Variants in ARHGAP5 observed in about 807,000 individuals in gnomAD.
The protein encoded by ARHGAP5 is Rho GTPase activating protein 5.
In ARHGAP5, 23 loss-of-function variants were observed where a neutral mutation model predicts 116.6. The observed-to-expected ratio is 0.20, with a 90% confidence interval of 0.14 to 0.28. ARHGAP5 has a LOEUF of 0.28. Ranked by LOEUF, ARHGAP5 falls within the 10% of genes least tolerant of loss-of-function variation. The pLI is 1.00. For missense variants in ARHGAP5, 1,405 were observed against 1,774.8 expected, an observed-to-expected ratio of 0.79 and a Z score of 3.74; for synonymous variants, 574 against 602.0, an observed-to-expected ratio of 0.95 and a Z score of 0.68.
intron 3 of ARHGAP5, among the ~76,000 whole-genome samples, chr14:32,133,995 C>T (rs1289896494): frequency 6.6e-6 from 1 of 152,070 alleles, no homozygotes; most frequent in African/African-American, 2.4e-5. Flanking sequence ...ATCCCGATAC[C>T]AAAGCCTGGC....
chr14:32,153,375 T>C (rs111620816), intron 6 of ARHGAP5, among the ~76,000 whole-genome samples: 3,894 of 101,684 alleles, frequency 0.038, 238 homozygotes, highest in African/African-American at 0.13. Flanking sequence ...CCATTGCACT[T>C]CAGTCTGGCC....
In ARHGAP5 at chr14:32,090,593, T is replaced by A; in HGVS notation, c.-77T>A. ...ACAGTTCTGAAATTTGGGATCTGTATTTTGAGATGATTTTATTTTCAGAAT... is the reference window on the plus strand; with the variant it reads ...ACAGTTCTGAAATTTGGGATCTGTAATTTGAGATGATTTTATTTTCAGAAT... On this transcript the variant is annotated 5_prime_UTR_variant, in exon 2 of 7. An upstream open reading frame in the 5' UTR gains an earlier in-frame stop. Transcript: ENST00000345122. The A allele has an allele frequency of 7.5e-7, 1 of 1,331,306 alleles. No individual in the cohort carries two copies. The highest frequency in any genetic ancestry group is 1.0e-6 in the Non-Finnish European group (1 of 972,000). The allele number at this position is 1,331,306 out of a possible 1,614,324, so 82.5% of individuals were successfully genotyped here.
intron 2 of ARHGAP5, among the ~76,000 whole-genome samples, chr14:32,106,443 C>T (rs1397602125): frequency 6.6e-6 from 1 of 152,200 alleles, no homozygotes; most frequent in Non-Finnish European, 1.5e-5. Flanking sequence ...TAAATCCCTA[C>T]TGGCAATGTA....
intron 3 of ARHGAP5, among the ~76,000 whole-genome samples, chr14:32,145,617 G>A (rs186505604): frequency 4.6e-5 from 7 of 152,170 alleles, no homozygotes; most frequent in East Asian, 3.9e-4. Flanking sequence ...CTGTCATGTC[G>A]TTCTTCAAGT....
At chr14:32,114,229 A>T (rs1457841849) in intron 2 of ARHGAP5, among the ~76,000 whole-genome samples, 1 of 148,308 alleles carries the variant, frequency 6.7e-6, no homozygotes, top group Non-Finnish European at 1.5e-5. Context: ...CTCCGTCTCA[A>T]AAAAAAAAAA....
intron 3 of ARHGAP5, among the ~76,000 whole-genome samples, chr14:32,133,632 G>A (rs1326125038): frequency 6.6e-6 from 1 of 152,136 alleles, no homozygotes; most frequent in Non-Finnish European, 1.5e-5. Context: ...GAATAGGAGT[G>A]GTGAGAGAGG....
chr14:32,152,671 A>T (rs569894277), intron 6 of ARHGAP5, 143 bp downstream of exon 6: 2 of 485,142 alleles, frequency 4.1e-6, no homozygotes, highest in African/African-American at 2.0e-5. Flanking sequence ...TCTAATTTAT[A>T]TCTAAAAAGA....
At position 32,154,712 on chromosome 14, in the gene ARHGAP5, C is replaced by G. The variant is rs1404113729; in HGVS notation, c.4273C>G (p.Arg1425Gly). The change falls in exon 7 of 7, where the codon CGA becomes GGA. Residue 1425 changes from arginine to glycine, a missense_variant. Physicochemically the swap from Arg to Gly is moderately radical, Grantham distance 125. Coordinates refer to ENST00000345122, the MANE Select transcript of ARHGAP5 (RefSeq NM_001030055.2). ...CTTGATGAGACCTGATTTTGAAAATCGAGAGTTTCTGTCTACTACTAAGAT... is the reference window on the plus strand; with the variant it reads ...CTTGATGAGACCTGATTTTGAAAATGGAGAGTTTCTGTCTACTACTAAGAT... ...PTLMRPDFEN[R>G]EFLSTTKIHQ... 1.2e-5 allele frequency: 20 copies of G among 1,613,894 alleles called. No homozygotes were observed. The highest frequency in any genetic ancestry group is 1.7e-5 in the Non-Finnish European group (20 of 1,179,920).
chr14:32,135,836 C>G (rs1880762310), intron 3 of ARHGAP5, among the ~76,000 whole-genome samples: 1 of 152,084 alleles, frequency 6.6e-6, no homozygotes, highest in African/African-American at 2.4e-5. Flanking sequence ...GAGCATAGTG[C>G]CTAGTTAATT....
At position 32,091,516 on chromosome 14, in the gene ARHGAP5, G is replaced by A. The variant is rs1878245600; in HGVS notation, c.847G>A (p.Val283Met). The A allele has an allele frequency of 1.9e-6, 3 of 1,613,184 alleles. No individual in the cohort carries two copies. The highest frequency in any genetic ancestry group is 2.5e-6 in the Non-Finnish European group (3 of 1,179,524). The change falls in exon 2 of 7, where the codon GTG (valine) becomes ATG (methionine). Residue 283 changes from valine (V) to methionine (M), a missense_variant. By Grantham distance (21) the Val-to-Met change is conservative. Transcript: ENST00000345122. ...TDKFEKLVQT[V>M]RDYHATWKTV... The stretch of plus-strand genomic sequence containing the variant: ...TAAGTTTGAAAAACTTGTGCAGACT[G>A]TGAGAGATTATCATGCAACTTGGAA...
At chr14:32,140,521 C>T (rs528080905) in intron 3 of ARHGAP5, among the ~76,000 whole-genome samples, 19 of 152,062 alleles carry the variant, frequency 1.2e-4, no homozygotes, top group East Asian at 3.9e-4. Flanking sequence ...ACCCAGGAGG[C>T]GGAGCTTGCA....
Position 32,157,940 on chromosome 14 carries a change from A to G in ARHGAP5, c.*2992A>G, listed in dbSNP as rs979491744. On this transcript the variant is annotated 3_prime_UTR_variant, in exon 7 of 7. Transcript: ENST00000345122. Reference sequence around the variant, plus strand: ...CTTCCATGGTGATTTTTAGTTTTTTATACAGTAATAATTGTGATGCTATTT... The same window carrying G: ...CTTCCATGGTGATTTTTAGTTTTTTGTACAGTAATAATTGTGATGCTATTT... The G allele has an allele frequency of 1.3e-5, 2 of 151,442 alleles. No homozygotes were observed. Among genetic ancestry groups the G allele is most frequent in the African/African-American group, 2.4e-5 (1 of 41,414 alleles). 9.4% of individuals were successfully genotyped at this position (151,442 alleles called of 1,614,324 possible).
At chr14:32,141,426 T>G (rs1366489776) in intron 3 of ARHGAP5, among the ~76,000 whole-genome samples, 1 of 152,206 alleles carries the variant, frequency 6.6e-6, no homozygotes, top group Non-Finnish European at 1.5e-5. Flanking sequence ...CCATCTTTGT[T>G]ATTGTCAGAA....
intron 2 of ARHGAP5, among the ~76,000 whole-genome samples, chr14:32,115,255 C>A (rs1594365259): frequency 1.3e-5 from 2 of 152,286 alleles, no homozygotes; most frequent in South Asian, 4.1e-4. Flanking sequence ...GGCTAAGAAT[C>A]ATTTTCCCTC....
In ARHGAP5 at chr14:32,093,261, A is replaced by G; in HGVS notation, c.2592A>G (p.Gly864=). 6.2e-7 allele frequency: 1 copy of G among 1,613,658 alleles called. No homozygotes were observed. The highest frequency in any genetic ancestry group is 8.5e-7 in the Non-Finnish European group (1 of 1,179,820). The change falls in exon 2 of 7, where the codon GGA becomes GGG. Residue 864 remains glycine, a synonymous_variant. Transcript: ENST00000345122. The part of the protein sequence containing the change: ...VYSAKRKASM[G]MLRAFLSEVQ... Reference sequence around the variant, plus strand: ...CTGCAAAACGGAAAGCTTCGATGGGAATGCTTCGAGCATTTCTATCAGAAG... The same window carrying G: ...CTGCAAAACGGAAAGCTTCGATGGGGATGCTTCGAGCATTTCTATCAGAAG...
chr14:32,094,134 T>C lies in ARHGAP5; in HGVS notation c.3465T>C (p.Tyr1155=), dbSNP rs941573046. 3.7e-6 allele frequency: 6 copies of C among 1,613,650 alleles called. No homozygotes were observed. The highest frequency in any genetic ancestry group is 4.2e-6 in the Non-Finnish European group (5 of 1,179,898). The part of the protein sequence containing the change: ...HGERRPSKYK[Y]KSKTLFSKAK... Reference sequence around the variant, plus strand: ...AACGGAGGCCTTCAAAATACAAATATAAATCTAAAACCTTGTTTAGTAAAG... The same window carrying C: ...AACGGAGGCCTTCAAAATACAAATACAAATCTAAAACCTTGTTTAGTAAAG... The change falls in exon 2 of 7, where the codon TAT becomes TAC. Residue 1155 remains tyrosine (Y), a synonymous_variant. Coordinates refer to ENST00000345122, the MANE Select transcript of ARHGAP5 (RefSeq NM_001030055.2).
chr14:32,094,225 A>G lies in ARHGAP5; in HGVS notation c.3556A>G (p.Thr1186Ala). The change falls in exon 2 of 7, where the codon ACA becomes GCA. Residue 1186 changes from threonine (T) to alanine (A), a missense_variant. By Grantham distance (58) the Thr-to-Ala change is moderately conservative (BLOSUM62 0). This residue lies in a region of ARHGAP5 where 944 missense variants were observed against 1,095.3 expected (regional missense o/e 0.86). Coordinates refer to ENST00000345122, the MANE Select transcript of ARHGAP5 (RefSeq NM_001030055.2). ...TGATGAGGCTTTCACCACTTCTAAA[A>G]CAAAAAGAAAAGGAAGACATCGTGG... The part of the protein sequence containing the change: ...SDDEAFTTSK[T>A]KRKGRHRGSE... 1 of 1,613,040 alleles carries G rather than the reference A, an allele frequency of 6.2e-7. No individual in the cohort carries two copies. The highest frequency in any genetic ancestry group is 8.5e-7 in the Non-Finnish European group (1 of 1,179,840).
At chr14:32,130,074 CATATATATGTAATAAA>C (rs1273047879) in intron 3 of ARHGAP5, among the ~76,000 whole-genome samples, 197 of 151,596 alleles carry the variant, frequency 1.3e-3, no homozygotes, top group African/African-American at 4.2e-3. Flanking sequence ...GAAGTAAATA[CATATATATGTAATAAA>C]ATATATATGT....
intron 3 of ARHGAP5, among the ~76,000 whole-genome samples, chr14:32,142,560 C>G (rs1159088847): frequency 6.6e-6 from 1 of 152,186 alleles, no homozygotes; most frequent in Non-Finnish European, 1.5e-5. Flanking sequence ...AAAAACAACA[C>G]TTTCCAAGTC....
Sources: allele counts gnomAD v4.1 joint callset (sites outside exome capture counted in the v4.1 genomes callset), GRCh38; gene constraint gnomAD v4.1.1; regional missense constraint gnomAD v4.1.1; transcripts MANE v1.5; gene names NCBI Gene and HGNC (gene_info 2026-07-23, HGNC 2026-07-21).